UBE2E2: variants seen among roughly 807,000 people sequenced by gnomAD.
The protein encoded by UBE2E2 is ubiquitin conjugating enzyme E2 E2.
In UBE2E2, 6 loss-of-function variants were observed where a neutral mutation model predicts 24.7. The observed-to-expected ratio is 0.24, with a 90% CI of 0.13 to 0.48. UBE2E2 has a LOEUF of 0.48. Among genes scored for constraint, UBE2E2 ranks in the 20% least tolerant of loss-of-function variants. UBE2E2 has a pLI of 0.99. For synonymous variants in UBE2E2, 104 were observed against 83.6 expected, an observed-to-expected ratio of 1.24 and a Z score of -1.33; for missense variants, 169 against 245.0, an observed-to-expected ratio of 0.69 and a Z score of 2.07.
At chr3:23,558,728 C>G (rs919554769) in intron 5 of UBE2E2, among the ~76,000 whole-genome samples, 1 of 152,106 alleles carries the variant, frequency 6.6e-6, no homozygotes, top group Non-Finnish European at 1.5e-5. Flanking sequence ...ATTAATGTGA[C>G]TATTTCAACT....
chr3:23,328,304 C>T (rs147762254), intron 3 of UBE2E2, among the ~76,000 whole-genome samples: 1 of 152,070 alleles, frequency 6.6e-6, no homozygotes, highest in Non-Finnish European at 1.5e-5. Flanking sequence ...CCCTGACTTA[C>T]AATGGTTAGA....
At chr3:23,514,879 A>G (rs1694694453) in intron 4 of UBE2E2, among the ~76,000 whole-genome samples, 1 of 152,180 alleles carries the variant, frequency 6.6e-6, no homozygotes, top group Non-Finnish European at 1.5e-5. Context: ...TGATTAAGCA[A>G]TAGATAAGGA....
chr3:23,342,164 G>T (rs1695409115), intron 3 of UBE2E2, among the ~76,000 whole-genome samples: 1 of 151,956 alleles, frequency 6.6e-6, no homozygotes, highest in Admixed American at 6.6e-5. Context: ...TAAGCATTAT[G>T]GGGGGTACTT....
chr3:23,396,034 A>G (rs1460641683), intron 3 of UBE2E2, among the ~76,000 whole-genome samples: 1 of 152,026 alleles, frequency 6.6e-6, no homozygotes, highest in African/African-American at 2.4e-5. Context: ...GCGTCTTCAA[A>G]TTAATCATCT....
chr3:23,430,768 ACCT>A (rs1698042392), intron 3 of UBE2E2, among the ~76,000 whole-genome samples: 3 of 151,958 alleles, frequency 2.0e-5, no homozygotes, highest in Non-Finnish European at 4.4e-5. Context: ...GAATCCTCCT[ACCT>A]CAGCCTTCCA....
intron 3 of UBE2E2, among the ~76,000 whole-genome samples, chr3:23,401,282 T>G (rs1334632022): frequency 6.6e-6 from 1 of 152,116 alleles, no homozygotes; most frequent in Non-Finnish European, 1.5e-5. Context: ...ACAAAACACT[T>G]TGGAGGCTAA....
intron 3 of UBE2E2, among the ~76,000 whole-genome samples, chr3:23,464,203 G>C (rs1698873322): frequency 6.6e-6 from 1 of 152,094 alleles, no homozygotes; most frequent in Non-Finnish European, 1.5e-5. Flanking sequence ...TATTGTCAAA[G>C]TATTTTACGG....
At chr3:23,327,360 G>T (rs1298265037) in intron 3 of UBE2E2, among the ~76,000 whole-genome samples, 1 of 152,002 alleles carries the variant, frequency 6.6e-6, no homozygotes, top group East Asian at 1.9e-4. Context: ...TTTAATGATC[G>T]CCATTCTAAC....
At chr3:23,266,653 AAAGTTAAG>A (rs1263930449) in intron 3 of UBE2E2, among the ~76,000 whole-genome samples, 1 of 152,016 alleles carries the variant, frequency 6.6e-6, no homozygotes, top group Non-Finnish European at 1.5e-5. Context: ...TATCTTTCAG[AAAGTTAAG>A]AAGGATACCC....
intron 3 of UBE2E2, among the ~76,000 whole-genome samples, chr3:23,273,582 T>G (rs1467679023): frequency 6.6e-6 from 1 of 151,598 alleles, no homozygotes; most frequent in African/African-American, 2.4e-5. Context: ...TTGAATGACA[T>G]TGTTATAACA....
intron 4 of UBE2E2, among the ~76,000 whole-genome samples, chr3:23,504,608 A>G (rs548389089): frequency 6.6e-6 from 1 of 152,232 alleles, no homozygotes; most frequent in South Asian, 2.1e-4. Flanking sequence ...TAGGATTTTA[A>G]GTCTTTTTTA....
intron 3 of UBE2E2, among the ~76,000 whole-genome samples, chr3:23,322,625 T>C (rs545777833): frequency 6.6e-6 from 1 of 152,250 alleles, no homozygotes; most frequent in East Asian, 1.9e-4. Context: ...TTATATTTTG[T>C]TTAGTCCACC....
Position 23,422,802 on chromosome 3 carries a change from AAG to A in UBE2E2, c.228-76805_228-76804del, listed in dbSNP as rs1559379301. On this transcript the variant is annotated intron_variant, in intron 3 of 5. Transcript: ENST00000396703. ...CTTCTGTTCCTGGAAAGTGGTGTTC[AAG>A]CTAATAGTGGATGATGAGTTGTCAA... Among the ~76,000 whole-genome samples, 65 of 152,288 alleles carry A rather than the reference AAG, an allele frequency of 4.3e-4. No individual in the cohort carries two copies. In the Middle Eastern group the frequency reaches 0.017, roughly 40 times the overall value.
chr3:23,522,112 C>G (rs999474631), intron 4 of UBE2E2, among the ~76,000 whole-genome samples: 9 of 150,356 alleles, frequency 6.0e-5, no homozygotes, highest in Non-Finnish European at 1.0e-4. Context: ...TTGTAGAAAA[C>G]TCATATAACC....
intron 3 of UBE2E2, among the ~76,000 whole-genome samples, chr3:23,291,849 A>ATTTTT (rs57708620): frequency 0.065 from 4,184 of 64,022 alleles, 734 homozygotes; most frequent in East Asian, 0.079. Flanking sequence ...TGCCCGGCTA[A>ATTTTT]TTTTTTTTTT....
intron 3 of UBE2E2, among the ~76,000 whole-genome samples, chr3:23,409,688 A>T (rs760496850): frequency 6.6e-6 from 1 of 152,160 alleles, no homozygotes; most frequent in African/African-American, 2.4e-5. Context: ...AAACAAAAGA[A>T]ATTTATTCTC....
chr3:23,270,097 G>C lies in UBE2E2; in HGVS notation c.227+52785G>C, dbSNP rs543793947. Among the ~76,000 whole-genome samples the C allele has an allele frequency of 4.0e-5, 6 of 151,590 alleles. No individual in the cohort carries two copies. The South Asian group carries it at 1.0e-3, about 26-fold the overall frequency. On this transcript the variant is annotated intron_variant, in intron 3 of 5. Coordinates refer to ENST00000396703, the MANE Select transcript of UBE2E2 (RefSeq NM_152653.4). ...CACCCCAGCAGCAATGAGCTAGGCA[G>C]GTCCCTGCCTCTGGGTCCTTGACTG...
intron 3 of UBE2E2, among the ~76,000 whole-genome samples, chr3:23,324,053 A>T (rs1300559601): frequency 6.6e-6 from 1 of 151,892 alleles, no homozygotes; most frequent in African/African-American, 2.4e-5. Flanking sequence ...AACATTGTGT[A>T]CTCCCTGTTT....
At chr3:23,243,522 C>G (rs1697310350) in intron 3 of UBE2E2, among the ~76,000 whole-genome samples, 2 of 152,192 alleles carry the variant, frequency 1.3e-5, no homozygotes, top group East Asian at 3.9e-4. Flanking sequence ...TGAGTTTTCT[C>G]TAAAGAACAA....
Sources: gnomAD v4.1 joint callset for allele counts (sites outside exome capture counted in the v4.1 genomes callset) on GRCh38, gnomAD v4.1.1 for gene constraint, MANE v1.5 for transcripts, NCBI Gene and HGNC (gene_info 2026-07-23, HGNC 2026-07-21) for gene names.